The following TRIM67 variants were observed in gnomAD, a reference collection of about 807,000 sequenced individuals.
The protein encoded by TRIM67 is tripartite motif containing 67.
In TRIM67, 39 loss-of-function variants were observed where a neutral mutation model predicts 71.0. The ratio of observed to expected loss-of-function variants is 0.55; its 90% CI spans 0.43 to 0.72. The LOEUF (loss-of-function observed/expected upper bound fraction) is 0.72. TRIM67 is among the 30% of genes least tolerant of loss of function. TRIM67 has a pLI of 0.00. For synonymous variants in TRIM67, 481 were observed against 473.9 expected, an observed-to-expected ratio of 1.01 and a Z score of -0.19; for missense variants, 973 against 1,079.2, an observed-to-expected ratio of 0.90 and a Z score of 1.38.
chr1:231,206,645 C>G lies in TRIM67; in HGVS notation c.1681-7C>G. The G allele has an allele frequency of 1.9e-6, 3 of 1,586,390 alleles. No homozygotes were observed. Among genetic ancestry groups the G allele is most frequent in the Non-Finnish European group, 2.6e-6 (3 of 1,166,568 alleles). On this transcript the variant is annotated splice_polypyrimidine_tract_variant and splice_region_variant and intron_variant, in intron 6 of 9. Transcript: ENST00000366653. ...GGAGCCTGGTGAGCAGCATTGCTCTCTTTCAGGAAGTGTACGTCGGTAAGG... is the reference window on the plus strand; with the variant it reads ...GGAGCCTGGTGAGCAGCATTGCTCTGTTTCAGGAAGTGTACGTCGGTAAGG...
At chr1:231,199,289 T>C (rs1683457124) in intron 3 of TRIM67, 120 bp downstream of exon 3, 1 of 996,890 alleles carries the variant, frequency 1.0e-6, no homozygotes, top group African/African-American at 1.6e-5. Context: ...AATGAGCTAA[T>C]GAATGAATGA....
chr1:231,187,541 A>T, intron 1 of TRIM67: 2 of 1,532,884 alleles, frequency 1.3e-6, no homozygotes, highest in Non-Finnish European at 1.7e-6. Context: ...GCAGATAAAA[A>T]GGTGAGAGAA....
chr1:231,218,432 C>G lies in TRIM67; in HGVS notation c.*2992C>G, dbSNP rs1287290148. ...ATAGTGCCTCTGTAATGTGGTTCTG[C>G]AGTTGTTCTTTGCTAGTGAGCAAGC... On this transcript the variant is annotated 3_prime_UTR_variant, in exon 10 of 10. Coordinates refer to ENST00000366653, the MANE Select transcript of TRIM67 (RefSeq NM_001004342.5). 1.0e-6 allele frequency: 1 copy of G among 985,516 alleles called. No homozygotes were observed. Among genetic ancestry groups the G allele is most frequent in the African/African-American group, 1.7e-5 (1 of 57,234 alleles). The allele number at this position is 985,516 out of a possible 1,614,324, so 61.0% of individuals were successfully genotyped here. A position where few individuals can be genotyped will look rare whatever the true frequency, so the allele number is the denominator to read the frequency against.
chr1:231,189,390 T>G (rs556364836), intron 1 of TRIM67, among the ~76,000 whole-genome samples: 1 of 152,230 alleles, frequency 6.6e-6, no homozygotes, highest in South Asian at 2.1e-4. Context: ...TTAAGCATCT[T>G]GAGATGGGGA....
chr1:231,168,895 G>C (rs887120466), intron 1 of TRIM67, among the ~76,000 whole-genome samples: 1 of 152,188 alleles, frequency 6.6e-6, no homozygotes, highest in Admixed American at 6.5e-5. Flanking sequence ...AAACTTTCCA[G>C]GGGGCCTGAA....
At position 231,220,671 on chromosome 1, in the gene TRIM67, A is replaced by G. The variant is rs1044488364; in HGVS notation, c.*5231A>G. 6.6e-6 allele frequency: 1 copy of G among 152,254 alleles called. No individual in the cohort carries two copies. The highest frequency in any genetic ancestry group is 1.5e-5 in the Non-Finnish European group (1 of 68,076). 9.4% of individuals were successfully genotyped at this position (152,254 alleles called of 1,614,324 possible). A position where few individuals can be genotyped will look rare whatever the true frequency, so the allele number is the denominator to read the frequency against. On this transcript the variant is annotated 3_prime_UTR_variant, in exon 10 of 10. Transcript: ENST00000366653. The stretch of plus-strand genomic sequence containing the variant: ...TAACCGCTGGGACTGCTGGGGCTTC[A>G]CCAGCACGAGCTATGCAGGTTGGGG...
rs529721490 is a variant in TRIM67, at chr1:231,218,176, G to A, written c.*2736G>A. On this transcript the variant is annotated 3_prime_UTR_variant, in exon 10 of 10. Transcript: ENST00000366653. ...CTTATCAATTCCTCATGGCCAGGAAGGTCCCGGGTTTCAGAGTAGAAATGA... is the reference window on the plus strand; with the variant it reads ...CTTATCAATTCCTCATGGCCAGGAAAGTCCCGGGTTTCAGAGTAGAAATGA... 1 of 1,023,910 alleles carries A rather than the reference G, an allele frequency of 9.8e-7. No homozygotes were observed. The highest frequency in any genetic ancestry group is 1.2e-6 in the Non-Finnish European group (1 of 852,040). The allele number at this position is 1,023,910 out of a possible 1,614,324, so 63.4% of individuals were successfully genotyped here.
At chr1:231,211,746 C>A (rs532013780) in intron 8 of TRIM67, among the ~76,000 whole-genome samples, 1 of 152,294 alleles carries the variant, frequency 6.6e-6, no homozygotes, top group South Asian at 2.1e-4. Context: ...ACATGGTTTT[C>A]TTAGCAGAGT....
At chr1:231,208,605 C>T (rs1315786534) in intron 7 of TRIM67, among the ~76,000 whole-genome samples, 2 of 152,156 alleles carry the variant, frequency 1.3e-5, no homozygotes, top group Non-Finnish European at 1.5e-5. Context: ...GACCACTGCT[C>T]CCAGGCTATT....
At position 231,206,568 on chromosome 1, in the gene TRIM67, G is replaced by A. The variant is rs1258496611; in HGVS notation, c.1681-84G>A. On this transcript the variant is annotated intron_variant, in intron 6 of 9. Coordinates refer to ENST00000366653, the MANE Select transcript of TRIM67 (RefSeq NM_001004342.5). ...TACACCTGGCAACAGCACTTTTAATGTCAATGTGTTTCCAGAAGCCATTTG... is the reference window on the plus strand; with the variant it reads ...TACACCTGGCAACAGCACTTTTAATATCAATGTGTTTCCAGAAGCCATTTG... 2.9e-6 allele frequency: 4 copies of A among 1,381,020 alleles called. No individual in the cohort carries two copies. The African/African-American group carries it at 4.4e-5, about 15-fold the overall frequency. 85.5% of individuals were successfully genotyped at this position (1,381,020 alleles called of 1,614,324 possible).
chr1:231,182,910 G>A (rs1236108259), intron 1 of TRIM67, among the ~76,000 whole-genome samples: 1 of 152,256 alleles, frequency 6.6e-6, no homozygotes, highest in Non-Finnish European at 1.5e-5. Context: ...CTGCCCATCA[G>A]TCCTGCCTCT....
intron 8 of TRIM67, among the ~76,000 whole-genome samples, chr1:231,211,670 C>T (rs945029470): frequency 6.6e-6 from 1 of 152,360 alleles, no homozygotes; most frequent in Admixed American, 6.5e-5. Context: ...ATCCTCGCTG[C>T]TCACCTTCCC....
At chr1:231,171,336 G>A (rs115385931) in intron 1 of TRIM67, among the ~76,000 whole-genome samples, 1,867 of 152,320 alleles carry the variant, frequency 0.012, 35 homozygotes, top group African/African-American at 0.043. Flanking sequence ...AGTTAGAGCA[G>A]AGGGGCCTGA....
chr1:231,186,760 T>A (rs892877162), intron 1 of TRIM67, among the ~76,000 whole-genome samples: 5 of 152,172 alleles, frequency 3.3e-5, no homozygotes, highest in Non-Finnish European at 7.3e-5. Flanking sequence ...CACAATTCAG[T>A]CCGTCGCCCT....
intron 1 of TRIM67, among the ~76,000 whole-genome samples, chr1:231,177,563 C>G (rs777083533): frequency 6.6e-5 from 10 of 152,190 alleles, no homozygotes; most frequent in Admixed American, 2.6e-4. Flanking sequence ...CCTTTCTTCA[C>G]GGAAGTGAGA....
At chr1:231,165,399 T>C (rs755914811) in intron 1 of TRIM67, among the ~76,000 whole-genome samples, 1 of 152,260 alleles carries the variant, frequency 6.6e-6, no homozygotes, top group Non-Finnish European at 1.5e-5. Flanking sequence ...GGATTAAGTA[T>C]AATACTGTAT....
In TRIM67 at chr1:231,215,406, C is replaced by T. The variant is rs1683990093; in HGVS notation, c.2318C>T (p.Thr773Ile). 1.2e-6 allele frequency: 2 copies of T among 1,612,664 alleles called. No individual in the cohort carries two copies. Among genetic ancestry groups the T allele is most frequent in the Non-Finnish European group, 1.7e-6 (2 of 1,179,114 alleles). The change falls in exon 10 of 10, where the codon ACT (threonine) becomes ATT (isoleucine). Residue 773 changes from threonine (T) to isoleucine (I), a missense_variant. Physicochemically the swap from Thr to Ile is moderately conservative, Grantham distance 89. Transcript: ENST00000366653. The stretch of plus-strand genomic sequence containing the variant: ...CTGCACACAGGATTGGAAGTGCCGA[C>T]TAACCTGGGGCGGCCAAAGCTGTCA... ...VTLHTGLEVP[T>I]NLGRPKLSGN
At chr1:231,197,487 G>C (rs759951398) in intron 2 of TRIM67, 21 bp downstream of exon 2, 4 of 1,606,844 alleles carry the variant, frequency 2.5e-6, no homozygotes, top group Admixed American at 1.7e-5. Context: ...CTCTGGCGTC[G>C]GGAGAAATAC....
intron 1 of TRIM67, among the ~76,000 whole-genome samples, chr1:231,192,821 A>C (rs1571887809): frequency 6.6e-6 from 1 of 152,188 alleles, no homozygotes; most frequent in Non-Finnish European, 1.5e-5. Context: ...TGGAGGGAAA[A>C]ATTAGATGGC....
Sources: gnomAD v4.1 joint callset for allele counts (sites outside exome capture counted in the v4.1 genomes callset) on GRCh38, gnomAD v4.1.1 for gene constraint, MANE v1.5 for transcripts, NCBI Gene and HGNC (gene_info 2026-07-23, HGNC 2026-07-21) for gene names.